The following SLC9A9 variants were observed in gnomAD, a reference collection of about 807,000 sequenced individuals.
SLC9A9 encodes solute carrier family 9 member A9, also known as sodium/hydrogen exchanger 9.
SLC9A9 carries 62 observed loss-of-function variants against 77.8 expected under a neutral mutation model. The ratio of observed to expected loss-of-function variants is 0.80; its 90% confidence interval spans 0.65 to 0.98. The LOEUF is 0.98. Among genes scored for constraint, SLC9A9 ranks in the 50% least tolerant of loss-of-function variants. The pLI is 0.00. For synonymous variants in SLC9A9, 320 were observed against 283.5 expected, an observed-to-expected ratio of 1.13 and a Z score of -1.29; for missense variants, 775 against 774.9, an observed-to-expected ratio of 1.00 and a Z score of 0.00.
intron 4 of SLC9A9, among the ~76,000 whole-genome samples, chr3:143,724,839 C>T (rs56150429): frequency 0.055 from 8,353 of 152,220 alleles, 314 homozygotes; most frequent in Non-Finnish European, 0.084. Flanking sequence ...TTCCTAGGGA[C>T]TAGAGCAGTC....
chr3:143,430,967 G>C (rs1428402382), intron 12 of SLC9A9, among the ~76,000 whole-genome samples: 1 of 152,174 alleles, frequency 6.6e-6, no homozygotes, highest in Non-Finnish European at 1.5e-5. Flanking sequence ...ATTACAACAA[G>C]GATGACAAAA....
Position 143,265,902 on chromosome 3 carries a change from T to G in SLC9A9, c.*800A>C. On this transcript the variant is annotated 3_prime_UTR_variant, in exon 16 of 16. Transcript: ENST00000316549. ...AGCATATCGCGGGGAGGGGGGGACC[T>G]GCTGCACAGCCAAGAAGTGACTCAC... 1.6e-6 allele frequency: 1 copy of G among 612,562 alleles called. No individual in the cohort carries two copies. The allele number at this position is 612,562 out of a possible 1,614,324, so 37.9% of individuals were successfully genotyped here.
intron 6 of SLC9A9, among the ~76,000 whole-genome samples, chr3:143,641,136 T>C (rs1233050411): frequency 6.6e-6 from 1 of 151,992 alleles, no homozygotes; most frequent in African/African-American, 2.4e-5. Context: ...AAGTGAAAGA[T>C]GAAGGAGAGC....
At chr3:143,733,700 T>C (rs918467362) in intron 4 of SLC9A9, among the ~76,000 whole-genome samples, 2 of 151,828 alleles carry the variant, frequency 1.3e-5, no homozygotes, top group Non-Finnish European at 2.9e-5. Context: ...ATACAAACCA[T>C]GAGAACACGG....
At chr3:143,659,749 A>C (rs574832886) in intron 5 of SLC9A9, among the ~76,000 whole-genome samples, 29 of 152,324 alleles carry the variant, frequency 1.9e-4, no homozygotes, top group African/African-American at 6.5e-4. Flanking sequence ...GCATGCCAAA[A>C]GGAGTTTTGC....
chr3:143,647,954 C>T (rs980260612), intron 6 of SLC9A9, among the ~76,000 whole-genome samples: 2 of 152,010 alleles, frequency 1.3e-5, no homozygotes, highest in Non-Finnish European at 2.9e-5. Flanking sequence ...TCATAAAATG[C>T]CATATTTATG....
At position 143,543,945 on chromosome 3, in the gene SLC9A9, G is replaced by GA. The variant is rs559561485; in HGVS notation, c.1089+8416dup. ...ATGGTAGCCCTGTTTTAAGTTCTTT[G>GA]AAAAATCTCTAAACTGCTTTCCATG... is the stretch of plus-strand genomic sequence containing the variant. On this transcript the variant is annotated intron_variant, in intron 9 of 15. Coordinates refer to ENST00000316549, the MANE Select transcript of SLC9A9 (RefSeq NM_173653.4). Among the ~76,000 whole-genome samples the GA allele has an allele frequency of 9.2e-5, 14 of 152,246 alleles. No individual in the cohort carries two copies. In the East Asian group the frequency reaches 2.5e-3, roughly 27 times the overall value.
intron 4 of SLC9A9, among the ~76,000 whole-genome samples, chr3:143,765,790 A>G (rs1288227052): frequency 6.6e-6 from 1 of 152,142 alleles, no homozygotes; most frequent in Non-Finnish European, 1.5e-5. Flanking sequence ...TTTGCCATGT[A>G]CCTTTGCAGT....
At chr3:143,616,688 G>A (rs1270494185) in intron 6 of SLC9A9, among the ~76,000 whole-genome samples, 1 of 152,148 alleles carries the variant, frequency 6.6e-6, no homozygotes, top group Non-Finnish European at 1.5e-5. Flanking sequence ...GTCATTGGCA[G>A]AGCCCAGCAC....
chr3:143,751,986 G>T (rs113442707), intron 4 of SLC9A9, among the ~76,000 whole-genome samples: 33 of 152,334 alleles, frequency 2.2e-4, no homozygotes, highest in African/African-American at 7.9e-4. Flanking sequence ...GCTGGGGAGA[G>T]GGAAGAACCA....
chr3:143,383,839 G>A (rs898775614), intron 12 of SLC9A9, among the ~76,000 whole-genome samples: 7 of 152,164 alleles, frequency 4.6e-5, no homozygotes, highest in African/African-American at 1.7e-4. Context: ...GTTGGGGTGG[G>A]GGAAGCAAGG....
At chr3:143,651,316 G>A (rs1240178496) in intron 6 of SLC9A9, among the ~76,000 whole-genome samples, 6 of 152,062 alleles carry the variant, frequency 3.9e-5, no homozygotes, top group Non-Finnish European at 7.4e-5. Flanking sequence ...CTTGAAAATT[G>A]TTGAATTCAC....
chr3:143,841,897 G>T (rs2009716233), intron 1 of SLC9A9, among the ~76,000 whole-genome samples: 1 of 152,002 alleles, frequency 6.6e-6, no homozygotes, highest in South Asian at 2.1e-4. Context: ...CGGATTACAG[G>T]CATCCGCCAC....
At chr3:143,487,835 A>G (rs1043569193) in intron 11 of SLC9A9, among the ~76,000 whole-genome samples, 1 of 151,786 alleles carries the variant, frequency 6.6e-6, no homozygotes, top group African/African-American at 2.4e-5. Flanking sequence ...CAACTTAAAT[A>G]AACAAGAAAA....
rs571671902 is a variant in SLC9A9 at position 143,518,301 on chromosome 3, C to G, written c.1090-22853G>C. On this transcript the variant is annotated intron_variant, in intron 9 of 15. Transcript: ENST00000316549. The stretch of plus-strand genomic sequence containing the variant: ...GGCCCAGGCGCTGGCTCAGCGTGAC[C>G]ACGCAGAAAGGGCTGTTTAACTACT... The G allele has an allele frequency of 1.3e-5, 13 of 1,020,638 alleles. No homozygotes were observed. In the East Asian group the frequency reaches 1.4e-4, roughly 11 times the overall value. 63.2% of individuals were successfully genotyped at this position (1,020,638 alleles called of 1,614,324 possible).
chr3:143,746,537 C>T (rs919613356), intron 4 of SLC9A9, among the ~76,000 whole-genome samples: 1 of 152,126 alleles, frequency 6.6e-6, no homozygotes, highest in Non-Finnish European at 1.5e-5. Flanking sequence ...TAGCTCAGTG[C>T]CTGGAATCTA....
At chr3:143,374,793 C>T (rs2033144130) in intron 13 of SLC9A9, among the ~76,000 whole-genome samples, 1 of 152,134 alleles carries the variant, frequency 6.6e-6, no homozygotes, top group African/African-American at 2.4e-5. Flanking sequence ...CAGTTACATA[C>T]TTTAAATTAT....
At chr3:143,505,817 A>T (rs978182761) in intron 9 of SLC9A9, among the ~76,000 whole-genome samples, 2 of 152,224 alleles carry the variant, frequency 1.3e-5, no homozygotes, top group Non-Finnish European at 2.9e-5. Context: ...GAGCTTCATT[A>T]AACTGAATAA....
intron 12 of SLC9A9, among the ~76,000 whole-genome samples, chr3:143,396,621 G>T (rs1194890614): frequency 6.6e-6 from 1 of 152,098 alleles, no homozygotes; most frequent in East Asian, 1.9e-4. Context: ...AAGGGGCTTG[G>T]CACAGGATCT....
Sources: gnomAD v4.1 joint callset for allele counts (sites outside exome capture counted in the v4.1 genomes callset) on GRCh38, gnomAD v4.1.1 for gene constraint, MANE v1.5 for transcripts, NCBI Gene and HGNC (gene_info 2026-07-23, HGNC 2026-07-21) for gene names.